FARS2: variants seen among roughly 807,000 people sequenced by gnomAD.
FARS2 encodes the protein phenylalanine--tRNA ligase, mitochondrial.
Under a neutral mutation model 46.4 loss-of-function variants are expected in FARS2, and 40 were observed. The ratio of observed to expected loss-of-function variants is 0.86; its 90% CI spans 0.67 to 1.12. The LOEUF is 1.12. FARS2 is among the 50% of genes most tolerant of loss of function. FARS2 has a pLI of 0.00. For synonymous variants in FARS2, 234 were observed against 214.9 expected (o/e 1.09, Z -0.78); for missense variants, 513 against 567.9 (o/e 0.90, Z 0.98).
chr6:5,294,378 A>G (rs955310026), intron 1 of FARS2, among the ~76,000 whole-genome samples: 2 of 151,966 alleles, frequency 1.3e-5, no homozygotes, highest in Admixed American at 6.6e-5. Flanking sequence ...TTTTTCCTCT[A>G]CTCTTCACAC....
intron 2 of FARS2, among the ~76,000 whole-genome samples, chr6:5,386,609 A>C (rs1281958998): frequency 6.6e-6 from 1 of 152,236 alleles, no homozygotes; most frequent in East Asian, 1.9e-4. Flanking sequence ...ATGATCGATA[A>C]GAAAGGATGT....
At chr6:5,485,238 TGTAAAATGGGCA>T (rs1766705763) in intron 4 of FARS2, among the ~76,000 whole-genome samples, 1 of 152,110 alleles carries the variant, frequency 6.6e-6, no homozygotes, top group Non-Finnish European at 1.5e-5. Context: ...TTTTCTCCTT[TGTAAAATGGGCA>T]TACTTTGCTC....
At chr6:5,707,420 AG>A (rs1758828609) in intron 6 of FARS2, among the ~76,000 whole-genome samples, 1 of 152,196 alleles carries the variant, frequency 6.6e-6, no homozygotes, top group Non-Finnish European at 1.5e-5. Context: ...ACGTGGCCTA[AG>A]GGGAGGCGTA....
chr6:5,437,994 C>T (rs563107866), intron 4 of FARS2, among the ~76,000 whole-genome samples: 3 of 151,834 alleles, frequency 2.0e-5, no homozygotes, highest in South Asian at 4.2e-4. Context: ...TTTTTATTTC[C>T]CCTTTAGTTT....
chr6:5,522,100 A>T (rs1769178841), intron 4 of FARS2, among the ~76,000 whole-genome samples: 1 of 152,202 alleles, frequency 6.6e-6, no homozygotes, highest in African/African-American at 2.4e-5. Flanking sequence ...AACCCCTTGA[A>T]ATTTAAGTGA....
chr6:5,732,666 A>G (rs146685713), intron 6 of FARS2, among the ~76,000 whole-genome samples: 1 of 152,194 alleles, frequency 6.6e-6, no homozygotes, highest in South Asian at 2.1e-4. Flanking sequence ...AAGAGCCCTG[A>G]TCCCCGGACA....
At chr6:5,281,727 C>A (rs1766742389) in intron 1 of FARS2, among the ~76,000 whole-genome samples, 1 of 148,698 alleles carries the variant, frequency 6.7e-6, no homozygotes, top group African/African-American at 2.4e-5. Flanking sequence ...GTAATGATAT[C>A]TCTCTGTGTG....
intron 6 of FARS2, among the ~76,000 whole-genome samples, chr6:5,678,115 G>C (rs996611032): frequency 6.6e-6 from 1 of 152,114 alleles, no homozygotes; most frequent in African/African-American, 2.4e-5. Context: ...AACTCAGTGA[G>C]AAACCTCATG....
intron 1 of FARS2, among the ~76,000 whole-genome samples, chr6:5,271,180 CTCTAA>C (rs1765916495): frequency 6.6e-6 from 1 of 152,118 alleles, no homozygotes; most frequent in Non-Finnish European, 1.5e-5. Flanking sequence ...ACTTTGTCTT[CTCTAA>C]CGTAAATTTT....
At chr6:5,389,402 T>C (rs1446617029) in intron 2 of FARS2, among the ~76,000 whole-genome samples, 1 of 152,190 alleles carries the variant, frequency 6.6e-6, no homozygotes, top group Non-Finnish European at 1.5e-5. Flanking sequence ...CTCTTAGTTA[T>C]GACCTCCTTT....
At chr6:5,366,455 G>C (rs764370016) in intron 1 of FARS2, among the ~76,000 whole-genome samples, 5 of 152,164 alleles carry the variant, frequency 3.3e-5, no homozygotes, top group Non-Finnish European at 7.4e-5. Flanking sequence ...CTCTCTGTTA[G>C]AGATAGTAAC....
intron 4 of FARS2, among the ~76,000 whole-genome samples, chr6:5,534,279 G>C (rs1770045734): frequency 6.6e-6 from 1 of 152,108 alleles, no homozygotes; most frequent in South Asian, 2.1e-4. Context: ...GTGATAAAAT[G>C]TTACATAATA....
chr6:5,448,250 T>C (rs576024844), intron 4 of FARS2, among the ~76,000 whole-genome samples: 221 of 152,278 alleles, frequency 1.5e-3, no homozygotes, highest in Middle Eastern at 6.8e-3. Context: ...GGGAAGGCGA[T>C]GAGAAAGTGG....
intron 4 of FARS2, among the ~76,000 whole-genome samples, chr6:5,506,770 G>A (rs1369342745): frequency 1.3e-5 from 2 of 152,200 alleles, no homozygotes; most frequent in East Asian, 1.9e-4. Flanking sequence ...GATCACTGAG[G>A]CATTCATGAA....
chr6:5,771,089 C>T (rs1048836124), intron 6 of FARS2, among the ~76,000 whole-genome samples: 1 of 152,218 alleles, frequency 6.6e-6, no homozygotes, highest in African/African-American at 2.4e-5. Flanking sequence ...AACCAGCAGC[C>T]TCCTTTAGTC....
chr6:5,546,481 A>G (rs568315080), intron 5 of FARS2, among the ~76,000 whole-genome samples: 1 of 149,806 alleles, frequency 6.7e-6, no homozygotes, highest in African/African-American at 2.5e-5. Context: ...CAAACTCCTG[A>G]CCTTGTGATT....
At chr6:5,254,380 C>T in the FARS2 span, among the ~76,000 whole-genome samples, 6 of 152,150 alleles carry the variant, frequency 3.9e-5, no homozygotes, top group Admixed American at 6.5e-5. Flanking sequence ...TCCCGAAGCA[C>T]GGATTTTTAC....
chr6:5,372,527 G>A (rs536652203), intron 2 of FARS2, among the ~76,000 whole-genome samples: 2 of 152,222 alleles, frequency 1.3e-5, no homozygotes, highest in South Asian at 4.2e-4. Context: ...ATAGAACTTT[G>A]CCTGCCTGAC....
At position 5,356,224 on chromosome 6, in the gene FARS2, G is replaced by A. The variant is rs181417355; in HGVS notation, c.-21-12326G>A. 1.1e-3 allele frequency among the ~76,000 whole-genome samples: 173 copies of A among 152,306 alleles called. 4 individuals carry two copies. The highest frequency in any genetic ancestry group is 0.011 in the Admixed American group (169 of 15,304). ...AGCACTTTGGGAGGCCGAGGTGGGCGGATCACTTGAGGCCAGGAGTTCGAG... is the reference window on the plus strand; with the variant it reads ...AGCACTTTGGGAGGCCGAGGTGGGCAGATCACTTGAGGCCAGGAGTTCGAG... On this transcript the variant is annotated intron_variant, in intron 1 of 6. Transcript: ENST00000274680.
Sources: allele counts gnomAD v4.1 joint callset (sites outside exome capture counted in the v4.1 genomes callset), GRCh38; gene constraint gnomAD v4.1.1; transcripts MANE v1.5; gene names NCBI Gene and HGNC (gene_info 2026-07-23, HGNC 2026-07-21).